SYNE1: variants seen among roughly 807,000 people sequenced by gnomAD.
The protein encoded by SYNE1 is nesprin-1.
Under a neutral mutation model 1,111.0 loss-of-function variants are expected in SYNE1, and 616 were observed. The observed-to-expected ratio is 0.55, with a 90% confidence interval of 0.52 to 0.59. SYNE1 has a LOEUF of 0.59. Ranked by LOEUF, SYNE1 falls within the 20% of genes least tolerant of loss-of-function variation. The pLI is 0.00. For missense variants in SYNE1, 10,006 were observed against 10,417.0 expected (o/e 0.96, Z 1.72); for synonymous variants, 3,855 against 3,825.8 (o/e 1.01, Z -0.28).
intron 38 of SYNE1, 192 bp downstream of exon 38, chr6:152,427,501 G>A: frequency 7.7e-6 from 5 of 651,570 alleles, no homozygotes; most frequent in Non-Finnish European, 1.3e-5. Context: ...AGTTCTCATT[G>A]TTAGTTTCTC....
At chr6:152,436,901 C>T (rs530825446) in intron 32 of SYNE1, among the ~76,000 whole-genome samples, 1 of 152,162 alleles carries the variant, frequency 6.6e-6, no homozygotes, top group South Asian at 2.1e-4. Context: ...CATGACGGCT[C>T]ATGCCTTTAA....
At chr6:152,251,497 G>A (rs2089234267) in intron 104 of SYNE1, among the ~76,000 whole-genome samples, 1 of 151,940 alleles carries the variant, frequency 6.6e-6, no homozygotes, top group Non-Finnish European at 1.5e-5. Flanking sequence ...GGTGGCTCAC[G>A]CCTGTAATCC....
chr6:152,409,700 C>G lies in SYNE1; in HGVS notation c.6240G>C (p.Gln2080His). ...TCATTAAGTCAATAAGTCCACAGCACTGACCCTGACTGTAATGATTAAAGA... is the reference window on the plus strand; with the variant it reads ...TCATTAAGTCAATAAGTCCACAGCAGTGACCCTGACTGTAATGATTAAAGA... ...TKRLIHENQG[Q>H]CCGLIDLMRE... Residue 2080 changes from glutamine (Q) to histidine (H), a missense_variant, in exon 43 of 146, where the codon CAG (glutamine) becomes CAC (histidine). Transcript: ENST00000367255. 1 of 1,613,570 alleles carries G rather than the reference C, an allele frequency of 6.2e-7. No individual in the cohort carries two copies. The highest frequency in any genetic ancestry group is 8.5e-7 in the Non-Finnish European group (1 of 1,179,918).
intron 16 of SYNE1, among the ~76,000 whole-genome samples, chr6:152,468,551 GT>G (rs2098785156): frequency 6.6e-6 from 1 of 152,172 alleles, no homozygotes; most frequent in Non-Finnish European, 1.5e-5. Flanking sequence ...GATTTGTGAA[GT>G]ATTTTCCAAG....
chr6:152,481,312 A>G (rs1421624010), intron 14 of SYNE1: 3 of 261,784 alleles, frequency 1.1e-5, no homozygotes, highest in African/African-American at 6.7e-5. Context: ...TGGAGCTGAA[A>G]ACCTGCACAT....
At chr6:152,490,849 C>A (rs937591202) in intron 11 of SYNE1, among the ~76,000 whole-genome samples, 1 of 152,176 alleles carries the variant, frequency 6.6e-6, no homozygotes, top group Non-Finnish European at 1.5e-5. Context: ...GGTCCTCAGG[C>A]CAGCCCAAGG....
At chr6:152,191,097 A>G (rs1469386683) in intron 127 of SYNE1, among the ~76,000 whole-genome samples, 1 of 152,266 alleles carries the variant, frequency 6.6e-6, no homozygotes, top group African/African-American at 2.4e-5. Flanking sequence ...ATGTTCAACC[A>G]TCATTGCATC....
At chr6:152,420,820 A>C (rs1044406508) in intron 39 of SYNE1, among the ~76,000 whole-genome samples, 20 of 151,950 alleles carry the variant, frequency 1.3e-4, no homozygotes, top group Admixed American at 1.2e-3. Flanking sequence ...TTTTCTTTGA[A>C]TTGTCTATAG....
chr6:152,549,084 G>A (rs902969344), intron 3 of SYNE1, among the ~76,000 whole-genome samples: 1 of 152,158 alleles, frequency 6.6e-6, no homozygotes, highest in African/African-American at 2.4e-5. Context: ...GGATCTTCAA[G>A]CTCAGTCAGC....
chr6:152,492,198 T>C (rs1471269059), intron 11 of SYNE1, among the ~76,000 whole-genome samples: 2 of 152,198 alleles, frequency 1.3e-5, no homozygotes, highest in Non-Finnish European at 1.5e-5. Flanking sequence ...AAGGCCGTCC[T>C]ATTCTCAATA....
intron 14 of SYNE1, chr6:152,474,593 C>T (rs1356475621): frequency 6.6e-6 from 1 of 152,256 alleles, no homozygotes; most frequent in African/African-American, 2.4e-5. Context: ...CCACAGGAAA[C>T]AAGCCACCAT....
Position 152,155,092 on chromosome 6 carries a change from G to C in SYNE1, c.23979-50C>G, listed in dbSNP as rs376178480. On this transcript the variant is annotated intron_variant, in intron 132 of 145. Coordinates refer to ENST00000367255, the MANE Select transcript of SYNE1 (RefSeq NM_182961.4). ...ATTCAGATTATTGGAGACTGTTTTC[G>C]CTCCAGAACCCGGTCTGCTGCCTGC... 6 of 1,610,610 alleles carry C rather than the reference G, an allele frequency of 3.7e-6. No homozygotes were observed. The African/African-American group carries it at 8.0e-5, about 22-fold the overall frequency.
chr6:152,395,532 C>T lies in SYNE1; in HGVS notation c.7696G>A (p.Glu2566Lys), dbSNP rs753395984. 2 of 1,613,822 alleles carry T rather than the reference C, an allele frequency of 1.2e-6. No homozygotes were observed. The highest frequency in any genetic ancestry group is 8.5e-7 in the Non-Finnish European group (1 of 1,179,886). The change falls in exon 51 of 146, where the codon GAA becomes AAA. Residue 2566 changes from glutamate (E) to lysine (K), a missense_variant. Physicochemically the swap from Glu to Lys is moderately conservative, Grantham distance 56. Coordinates refer to ENST00000367255, the MANE Select transcript of SYNE1 (RefSeq NM_182961.4). ...EVHKVEMFLG[E>K]LLAARESLDK... ...GGACCATACCTTGCAGCCAGCAGTT[C>T]TCCCAAAAACATTTCAACTTTATGA...
intron 100 of SYNE1, among the ~76,000 whole-genome samples, chr6:152,264,364 G>C (rs4870091): frequency 0.65 from 98,529 of 151,596 alleles, 32,408 homozygotes; most frequent in East Asian, 0.82. Flanking sequence ...GATGCAGGGC[G>C]TTTTGCTCAA....
At chr6:152,156,630 G>T (rs1263026988) in intron 131 of SYNE1, among the ~76,000 whole-genome samples, 1 of 152,144 alleles carries the variant, frequency 6.6e-6, no homozygotes, top group African/African-American at 2.4e-5. Flanking sequence ...TATAGAAATT[G>T]TTCTTATACT....
At chr6:152,606,767 C>A (rs1434990892) in intron 3 of SYNE1, among the ~76,000 whole-genome samples, 1 of 151,786 alleles carries the variant, frequency 6.6e-6, no homozygotes, top group Non-Finnish European at 1.5e-5. Flanking sequence ...CCTGCCTCAG[C>A]CTCCCAAGTG....
At chr6:152,267,737 A>G (rs2092838442) in intron 100 of SYNE1, among the ~76,000 whole-genome samples, 1 of 152,210 alleles carries the variant, frequency 6.6e-6, no homozygotes, top group South Asian at 2.1e-4. Flanking sequence ...GTGAGATACA[A>G]TCATTCAGTT....
intron 8 of SYNE1, among the ~76,000 whole-genome samples, chr6:152,509,460 T>C (rs964630954): frequency 4.6e-5 from 7 of 152,040 alleles, no homozygotes; most frequent in African/African-American, 1.7e-4. Flanking sequence ...TTTCACCAGA[T>C]TGGCCAGGCT....
At chr6:152,443,218 A>T (rs2098548457) in intron 30 of SYNE1, among the ~76,000 whole-genome samples, 1 of 152,154 alleles carries the variant, frequency 6.6e-6, no homozygotes, top group Non-Finnish European at 1.5e-5. Flanking sequence ...AACCCAAAAA[A>T]CCATTTCACA....
Sources: allele counts gnomAD v4.1 joint callset (sites outside exome capture counted in the v4.1 genomes callset), GRCh38; gene constraint gnomAD v4.1.1; transcripts MANE v1.5; gene names NCBI Gene and HGNC (gene_info 2026-07-23, HGNC 2026-07-21).